Variants in SLC35F4 observed in about 807,000 individuals in gnomAD.
SLC35F4 encodes chromosome 14 open reading frame 36.
A neutral mutation model predicts 44.2 loss-of-function variants in SLC35F4; 24 were observed. The observed-to-expected ratio is 0.54, with a 90% confidence interval of 0.39 to 0.76. SLC35F4 has a LOEUF of 0.76. Ranked by LOEUF, SLC35F4 falls within the 30% of genes least tolerant of loss-of-function variation. The pLI is 0.00. For synonymous variants in SLC35F4, 238 were observed against 223.6 expected, an observed-to-expected ratio of 1.06 and a Z score of -0.57; for missense variants, 562 against 586.1, an observed-to-expected ratio of 0.96 and a Z score of 0.42.
chr14:57,593,328 C>T (rs774528270), intron 2 of SLC35F4, among the ~76,000 whole-genome samples: 1 of 152,174 alleles, frequency 6.6e-6, no homozygotes, highest in Non-Finnish European at 1.5e-5. Flanking sequence ...ATAAATTTTG[C>T]TGGGAAACTC....
chr14:57,899,801 TGACTTCAAGAATGAAGCCGTG>T (rs1274353873), intron 1 of SLC35F4, among the ~76,000 whole-genome samples: 1 of 152,158 alleles, frequency 6.6e-6, no homozygotes, highest in Non-Finnish European at 1.5e-5. Flanking sequence ...GTGGTCTCTC[TGACTTCAAGAATGAAGCCGTG>T]GACCTTTGCG....
intron 1 of SLC35F4, among the ~76,000 whole-genome samples, chr14:57,874,975 A>AATAC (rs1888369265): frequency 9.3e-6 from 1 of 107,906 alleles, no homozygotes; most frequent in South Asian, 3.4e-4. Context: ...CAGTGGAATA[A>AATAC]ATAAATAAAT....
intron 1 of SLC35F4, among the ~76,000 whole-genome samples, chr14:57,620,313 G>A (rs2072106372): frequency 6.6e-6 from 1 of 152,120 alleles, no homozygotes; most frequent in African/African-American, 2.4e-5. Flanking sequence ...ACACACAAAG[G>A]GAAGCCCATC....
At chr14:57,683,583 TCA>T (rs760780833) in intron 1 of SLC35F4, among the ~76,000 whole-genome samples, 17 of 152,210 alleles carry the variant, frequency 1.1e-4, no homozygotes, top group Non-Finnish European at 1.9e-4. Context: ...CCAGTTGAAA[TCA>T]CAGACATCTC....
intron 1 of SLC35F4, among the ~76,000 whole-genome samples, chr14:57,600,509 G>A (rs1474728646): frequency 1.3e-5 from 2 of 149,512 alleles, no homozygotes; most frequent in African/African-American, 2.5e-5. Context: ...CGGCTAAAAC[G>A]GTGAAACCCC....
At chr14:57,656,376 TACACACAC>T (rs3054456) in intron 1 of SLC35F4, among the ~76,000 whole-genome samples, 19,092 of 73,822 alleles carry the variant, frequency 0.26, 1,478 homozygotes, top group East Asian at 0.42. Flanking sequence ...TATATATATA[TACACACAC>T]ACACACACAC....
In SLC35F4 at chr14:57,570,457, T is replaced by C. The variant is rs562303872; in HGVS notation, c.934-477A>G. 5.3e-5 allele frequency among the ~76,000 whole-genome samples: 8 copies of C among 152,356 alleles called. No homozygotes were observed. In the South Asian group the frequency reaches 1.7e-3, roughly 32 times the overall value. ...TTTGCCTTGGATTTATAAGCAGTTT[T>C]CTTTGTGAGCTCAAAATGACTTCAC... is the stretch of plus-strand genomic sequence containing the variant. On this transcript the variant is annotated intron_variant, in intron 5 of 7. Transcript: ENST00000556826.
chr14:57,798,456 G>T (rs781267392), intron 1 of SLC35F4, among the ~76,000 whole-genome samples: 4 of 152,102 alleles, frequency 2.6e-5, no homozygotes, highest in African/African-American at 4.8e-5. Context: ...CCTTAATTAG[G>T]CCTTAACTGG....
intron 1 of SLC35F4, among the ~76,000 whole-genome samples, chr14:57,755,415 T>C (rs1045804301): frequency 1.3e-5 from 2 of 152,216 alleles, no homozygotes; most frequent in Non-Finnish European, 2.9e-5. Flanking sequence ...AAAAGGCCTA[T>C]TTTAAATGAT....
At chr14:57,703,223 A>C (rs2075586705) in intron 1 of SLC35F4, among the ~76,000 whole-genome samples, 1 of 152,194 alleles carries the variant, frequency 6.6e-6, no homozygotes, top group South Asian at 2.1e-4. Context: ...GAGCAAATGC[A>C]AGCAGAGTAA....
intron 1 of SLC35F4, chr14:57,630,610 C>T (rs1044811086): frequency 7.1e-6 from 6 of 843,342 alleles, no homozygotes; most frequent in Non-Finnish European, 1.2e-5. Context: ...AGATCCAAAT[C>T]TCAGTCAAAA....
intron 1 of SLC35F4, among the ~76,000 whole-genome samples, chr14:57,672,111 T>C (rs1404138190): frequency 6.6e-6 from 1 of 152,076 alleles, no homozygotes; most frequent in Non-Finnish European, 1.5e-5. Flanking sequence ...AATGATTTAC[T>C]TTACCCATAG....
At chr14:57,808,275 G>A (rs1308320281) in intron 1 of SLC35F4, among the ~76,000 whole-genome samples, 1 of 151,838 alleles carries the variant, frequency 6.6e-6, no homozygotes, top group Non-Finnish European at 1.5e-5. Context: ...TCAGTAATTT[G>A]GCTCAAAGTC....
intron 1 of SLC35F4, among the ~76,000 whole-genome samples, chr14:57,883,706 C>T (rs996154358): frequency 4.6e-5 from 7 of 152,186 alleles, no homozygotes; most frequent in African/African-American, 1.7e-4. Flanking sequence ...GGTGGGGCCT[C>T]ATCATCTTGA....
chr14:57,906,588 A>G (rs1393191135), intron 1 of SLC35F4, among the ~76,000 whole-genome samples: 1 of 152,226 alleles, frequency 6.6e-6, no homozygotes, highest in Non-Finnish European at 1.5e-5. Flanking sequence ...GAAAAATTCC[A>G]AAAAGTGGGA....
At chr14:57,931,414 A>G (rs1889693994) in intron 1 of SLC35F4, among the ~76,000 whole-genome samples, 1 of 152,208 alleles carries the variant, frequency 6.6e-6, no homozygotes, top group South Asian at 2.1e-4. Context: ...CAAAATTACC[A>G]TCTGACAAAG....
intron 1 of SLC35F4, among the ~76,000 whole-genome samples, chr14:57,606,554 C>T (rs1275618226): frequency 1.3e-5 from 2 of 152,164 alleles, no homozygotes; most frequent in African/African-American, 4.8e-5. Flanking sequence ...GTTTCTTTTG[C>T]TCCAAATTCT....
intron 1 of SLC35F4, among the ~76,000 whole-genome samples, chr14:57,950,163 T>C (rs541785618): frequency 6.6e-6 from 1 of 152,188 alleles, no homozygotes; most frequent in South Asian, 2.1e-4. Flanking sequence ...GGAACACCAA[T>C]TATTCTTATG....
rs1330930458 is a variant in SLC35F4 at position 57,572,026 on chromosome 14, A to G, written c.808-7T>C. 1.2e-6 allele frequency: 2 copies of G among 1,605,974 alleles called. No individual in the cohort carries two copies. The highest frequency in any genetic ancestry group is 1.3e-5 in the African/African-American group (1 of 74,812). ...CCATTATTGCAGCAACTATCTGTCA[A>G]ATAGGATGCAAAGAAACAGAAAAGC... On this transcript the variant is annotated splice_region_variant and splice_polypyrimidine_tract_variant and intron_variant, in intron 4 of 7. Transcript: ENST00000556826.
Sources: allele counts gnomAD v4.1 joint callset (sites outside exome capture counted in the v4.1 genomes callset), GRCh38; gene constraint gnomAD v4.1.1; transcripts MANE v1.5; gene names NCBI Gene and HGNC (gene_info 2026-07-23, HGNC 2026-07-21).